STS: variants seen among roughly 807,000 people sequenced by gnomAD.
STS encodes steroid sulfatase, also known as steryl-sulfatase.
STS carries 7 observed loss-of-function variants against 26.8 expected under a neutral mutation model. The observed-to-expected ratio is 0.26, with a 90% CI of 0.15 to 0.49. STS has a LOEUF of 0.49. Ranked by LOEUF, STS falls within the 20% of genes least tolerant of loss-of-function variation. The pLI, the probability that STS is intolerant of heterozygous loss-of-function variation, is 0.98. For missense variants in STS, 434 were observed against 465.6 expected (o/e 0.93, Z 0.63); for synonymous variants, 199 against 189.4 (o/e 1.05, Z -0.42).
intron 1 of STS, among the ~76,000 whole-genome samples, chrX:7,149,432 T>C (rs1350690905): frequency 9.0e-6 from 1 of 111,445 alleles, no homozygotes; most frequent in East Asian, 2.8e-4. Context: ...TTAGTACCAG[T>C]GCATAATATA....
chrX:7,203,256 A>T (rs372659042), intron 2 of STS, among the ~76,000 whole-genome samples: 6 of 112,532 alleles, frequency 5.3e-5, no homozygotes, highest in African/African-American at 1.6e-4. Context: ...AACTCTAAAG[A>T]TTAGAAATCT....
chrX:7,310,090 A>G (rs1045560154), intron 8 of STS, among the ~76,000 whole-genome samples: 1 of 112,263 alleles, frequency 8.9e-6, no homozygotes, highest in Non-Finnish European at 1.9e-5. Flanking sequence ...CCATTTAATA[A>G]TTAAGAAATC....
intron 3 of STS, among the ~76,000 whole-genome samples, chrX:7,256,144 G>C (rs1384832399): frequency 8.9e-6 from 1 of 112,099 alleles, no homozygotes; most frequent in Non-Finnish European, 1.9e-5. Context: ...TGACAAGCCA[G>C]GCAGGGAGGA....
At chrX:7,318,917 G>A (rs1213924674) in intron 8 of STS, among the ~76,000 whole-genome samples, 1 of 111,473 alleles carries the variant, frequency 9.0e-6, no homozygotes, top group Non-Finnish European at 1.9e-5. Context: ...GAGCTCCTTT[G>A]GGAATCTGGA....
intron 10 of STS, among the ~76,000 whole-genome samples, chrX:7,337,372 C>T (rs1363732160): frequency 8.9e-6 from 1 of 111,872 alleles, no homozygotes; most frequent in Non-Finnish European, 1.9e-5. Context: ...GTACAATGTG[C>T]TGGGAATACA....
chrX:7,317,626 G>C (rs752658979), intron 8 of STS, among the ~76,000 whole-genome samples: 1 of 111,002 alleles, frequency 9.0e-6, no homozygotes, highest in South Asian at 3.8e-4. Context: ...GCACCACCAT[G>C]CTTGGCTTTT....
intron 1 of STS, among the ~76,000 whole-genome samples, chrX:7,182,579 C>T (rs1933701756): frequency 9.0e-6 from 1 of 110,847 alleles, no homozygotes; most frequent in Non-Finnish European, 1.9e-5. Flanking sequence ...GTGCTTTGAA[C>T]AACAGTAAGT....
At chrX:7,194,987 A>G (rs757028701) in intron 2 of STS, among the ~76,000 whole-genome samples, 1 of 112,057 alleles carries the variant, frequency 8.9e-6, no homozygotes, top group African/African-American at 3.2e-5. Context: ...CACAATGGTA[A>G]TTATTTGTGT....
chrX:7,177,864 A>G (rs933181804), intron 1 of STS, among the ~76,000 whole-genome samples: 14 of 110,172 alleles, frequency 1.3e-4, no homozygotes, highest in East Asian at 2.9e-4. Flanking sequence ...CCCAGGCTCA[A>G]TTGTGGCTCA....
At chrX:7,326,393 C>A (rs898476754) in intron 9 of STS, among the ~76,000 whole-genome samples, 1 of 111,568 alleles carries the variant, frequency 9.0e-6, no homozygotes, top group Non-Finnish European at 1.9e-5. Context: ...ACGCTCTTCT[C>A]GTCTGTTCAC....
chrX:7,213,756 C>T (rs1300779430), intron 2 of STS, among the ~76,000 whole-genome samples: 3 of 111,354 alleles, frequency 2.7e-5, no homozygotes, highest in Admixed American at 9.6e-5. Context: ...TTTTCACTTC[C>T]TCTCACCTAT....
chrX:7,190,077 G>C (rs1483802137), intron 1 of STS, among the ~76,000 whole-genome samples: 1 of 110,716 alleles, frequency 9.0e-6, no homozygotes, highest in African/African-American at 3.3e-5. Context: ...TGATTCAAGT[G>C]TGTCACATTT....
intron 8 of STS, among the ~76,000 whole-genome samples, chrX:7,322,640 A>G (rs1299844924): frequency 8.9e-6 from 1 of 111,892 alleles, no homozygotes; most frequent in African/African-American, 3.2e-5. Flanking sequence ...ACCTCAGGTG[A>G]TCCACCCGTC....
chrX:7,271,939 GT>G (rs1354075202), intron 6 of STS, among the ~76,000 whole-genome samples: 3 of 110,047 alleles, frequency 2.7e-5, no homozygotes, highest in Non-Finnish European at 5.7e-5. Context: ...AAAGTGTGCT[GT>G]TTTGTGCTAA....
rs780902907 is a variant in STS at position 7,336,115 on chromosome X, C to T, written c.1363+2008C>T. 2.1e-4 allele frequency among the ~76,000 whole-genome samples: 23 copies of T among 111,413 alleles called. No homozygotes were observed. In the South Asian group the frequency reaches 8.3e-3, roughly 40 times the overall value. On this transcript the variant is annotated intron_variant, in intron 10 of 10. Coordinates refer to ENST00000674429, the MANE Select transcript of STS (RefSeq NM_001320752.2). The stretch of plus-strand genomic sequence containing the variant: ...TCAATGGTAAGTGGTGAGCAATTTA[C>T]ACAATTATTGTATGTTCTAGAGGTA...
At chrX:7,237,015 A>T (rs962440165) in intron 2 of STS, among the ~76,000 whole-genome samples, 5 of 111,006 alleles carry the variant, frequency 4.5e-5, no homozygotes, top group Non-Finnish European at 9.4e-5. Flanking sequence ...AATTTACATC[A>T]TAAGGCAGAG....
chrX:7,192,188 A>G (rs1476066440), intron 2 of STS, among the ~76,000 whole-genome samples: 1 of 111,718 alleles, frequency 9.0e-6, no homozygotes, highest in African/African-American at 3.3e-5. Flanking sequence ...GGGGCTGGGG[A>G]TTCCATCCCA....
intron 8 of STS, among the ~76,000 whole-genome samples, chrX:7,309,572 A>T (rs1045528526): frequency 4.4e-5 from 4 of 91,378 alleles, no homozygotes; most frequent in Non-Finnish European, 8.6e-5. Context: ...ATAAATAAAT[A>T]AAATAAAATA....
chrX:7,194,383 T>A (rs1390300141), intron 2 of STS, among the ~76,000 whole-genome samples: 5 of 111,515 alleles, frequency 4.5e-5, no homozygotes, highest in Non-Finnish European at 9.4e-5. Context: ...ATAGGGGCAA[T>A]CAGGGAAGTT....
Sources: allele counts gnomAD v4.1 joint callset (sites outside exome capture counted in the v4.1 genomes callset), GRCh38; gene constraint gnomAD v4.1.1; transcripts MANE v1.5; gene names NCBI Gene and HGNC (gene_info 2026-07-23, HGNC 2026-07-21).